The following HEXD variants were observed in gnomAD, a reference collection of about 807,000 sequenced individuals.
HEXD encodes N-acetyl-beta-galactosaminidase.
HEXD carries 47 observed loss-of-function variants against 54.2 expected under a neutral mutation model. The ratio of observed to expected loss-of-function variants is 0.87; its 90% CI spans 0.69 to 1.11. The LOEUF (loss-of-function observed/expected upper bound fraction) is 1.11. Among genes scored for constraint, HEXD ranks in the 50% least tolerant of loss-of-function variants. HEXD has a pLI of 0.00. For synonymous variants in HEXD, 293 were observed against 287.6 expected (o/e 1.02, Z -0.19); for missense variants, 576 against 649.2 (o/e 0.89, Z 1.23).
intron 4 of HEXD, among the ~76,000 whole-genome samples, chr17:82,433,366 C>A (rs1246397163): frequency 6.6e-6 from 1 of 151,708 alleles, no homozygotes; most frequent in African/African-American, 2.4e-5. Context: ...TCACTTGAAC[C>A]TGGGAGGCAG....
chr17:82,439,434 G>A (rs1476580810), intron 8 of HEXD, 197 bp from the exon 9 acceptor site: 8 of 985,274 alleles, frequency 8.1e-6, no homozygotes, highest in East Asian at 1.1e-4. Flanking sequence ...TTTCTAGAAC[G>A]GAGTTGACAT....
chr17:82,420,594 G>C (rs2053206688), intron 2 of HEXD, among the ~76,000 whole-genome samples: 1 of 152,202 alleles, frequency 6.6e-6, no homozygotes, highest in Non-Finnish European at 1.5e-5. Context: ...TTGAGACGGA[G>C]TCTCGCTCTG....
intron 4 of HEXD, among the ~76,000 whole-genome samples, chr17:82,432,780 A>G (rs1356426122): frequency 6.6e-6 from 1 of 151,800 alleles, no homozygotes; most frequent in African/African-American, 2.4e-5. Context: ...TAAAAAATTT[A>G]TGGCTGGGTG....
chr17:82,437,551 C>T (rs568784291), intron 8 of HEXD, among the ~76,000 whole-genome samples, 188 bp downstream of exon 8: 12 of 152,350 alleles, frequency 7.9e-5, no homozygotes, highest in South Asian at 2.1e-4. Context: ...CGCTGAGGGA[C>T]GCTGCTCCCG....
intron 6 of HEXD, 115 bp from the exon 7 acceptor site, chr17:82,436,551 CT>C (rs2053772839): frequency 1.3e-6 from 1 of 794,668 alleles, no homozygotes; most frequent in African/African-American, 1.7e-5. Flanking sequence ...GGTGCCAAGT[CT>C]GTCTTAAAAA....
At chr17:82,428,360 G>A (rs565562322) in intron 3 of HEXD, among the ~76,000 whole-genome samples, 198 bp from the exon 4 acceptor site, 1 of 152,284 alleles carries the variant, frequency 6.6e-6, no homozygotes, top group South Asian at 2.1e-4. Flanking sequence ...ACTTGAGGAC[G>A]TGCTAGAACA....
chr17:82,438,930 C>T (rs571656321), intron 8 of HEXD, among the ~76,000 whole-genome samples: 66 of 152,402 alleles, frequency 4.3e-4, no homozygotes, highest in Non-Finnish European at 4.1e-4. Context: ...AGCAGCGGCG[C>T]ATCCTTCAGG....
chr17:82,423,057 C>CAAAA (rs369017189), intron 2 of HEXD, among the ~76,000 whole-genome samples: 2 of 126,810 alleles, frequency 1.6e-5, no homozygotes, highest in Non-Finnish European at 1.7e-5. Flanking sequence ...AACTCCATCT[C>CAAAA]AAAAAAAAAA....
rs937932337 is a variant in HEXD, at chr17:82,434,677, A to C, written c.447+855A>C. Among the ~76,000 whole-genome samples, 2 of 151,956 alleles carry C rather than the reference A, an allele frequency of 1.3e-5. No individual in the cohort carries two copies. The highest frequency in any genetic ancestry group is 2.9e-5 in the Non-Finnish European group (2 of 67,994). On this transcript the variant is annotated intron_variant, in intron 5 of 12. Transcript: ENST00000327949. The surrounding 1 kb of genome is among the most constrained non-coding windows in gnomAD (Gnocchi z 4.5). ...ATGTGGTGAAACCCCGTCTCTACTA[A>C]ATATACAAAAATCAGCCGGGCGTGA...
intron 4 of HEXD, among the ~76,000 whole-genome samples, chr17:82,429,941 G>T (rs561807755): frequency 2.6e-5 from 4 of 152,030 alleles, no homozygotes; most frequent in Admixed American, 6.6e-5. Flanking sequence ...CCTGCTGGTC[G>T]CTTCCATTGA....
chr17:82,441,021 C>T lies in HEXD; in HGVS notation c.1007C>T (p.Ala336Val), dbSNP rs564210216. 24 of 1,613,554 alleles carry T rather than the reference C, an allele frequency of 1.5e-5. No individual in the cohort carries two copies. Among genetic ancestry groups the T allele is most frequent in the South Asian group, 9.9e-5 (9 of 91,076 alleles). ...LRGGFDEDVK[A>V]KVENLLGISS... ...GGAGGATTTGATGAAGATGTTAAAG[C>T]GAAAGTGGAGAACCTTCTCGGGATT... Residue 336 changes from alanine (A) to valine (V), a missense_variant, in exon 10 of 13, where the codon GCG (alanine) becomes GTG (valine). Transcript: ENST00000327949.
chr17:82,421,243 G>T (rs1365081952), intron 2 of HEXD, among the ~76,000 whole-genome samples: 2 of 152,000 alleles, frequency 1.3e-5, no homozygotes, highest in African/African-American at 4.8e-5. Flanking sequence ...CCAGGAGGGT[G>T]CAGGGGAGGC....
At chr17:82,427,402 G>A (rs2053448110) in intron 3 of HEXD, 1 of 152,214 alleles carries the variant, frequency 6.6e-6, no homozygotes, top group Non-Finnish European at 1.5e-5. Flanking sequence ...TATGACATCT[G>A]TTCTGGAAGG....
At position 82,435,771 on chromosome 17, in the gene HEXD, A is replaced by C. The variant is rs758377023; in HGVS notation, c.530A>C (p.His177Pro). 25 of 1,612,812 alleles carry C rather than the reference A, an allele frequency of 1.6e-5. No homozygotes were observed. The highest frequency in any genetic ancestry group is 2.0e-5 in the Non-Finnish European group (24 of 1,179,906). The change falls in exon 6 of 13, where the codon CAC (histidine) becomes CCC (proline). Residue 177 changes from histidine to proline, a missense_variant. His to Pro is a moderately conservative substitution (Grantham distance 77). Transcript: ENST00000327949. The part of the protein sequence containing the change: ...QNSTGKLCLS[H>P]MRAVASGVKA... ...AGCACGGGGAAGTTGTGCCTGTCAC[A>C]CATGCGGGCGGTGGCCAGCGGCGTG... is the stretch of plus-strand genomic sequence containing the variant.
chr17:82,437,177 T>C lies in HEXD; in HGVS notation c.713T>C (p.Met238Thr), dbSNP rs777358505. Reference sequence around the variant, plus strand: ...TTGCTTTCTCACCCAGTCCTCCTCATGCAGAAGTACCGGCGGTGCGGCTTT... The same window carrying C: ...TTGCTTTCTCACCCAGTCCTCCTCACGCAGAAGTACCGGCGGTGCGGCTTT... Reference protein sequence around the residue: ...DLDVHGKVLLMQKYRRCGFPQ... With the variant: ...DLDVHGKVLLTQKYRRCGFPQ... The change falls in exon 8 of 13, where the codon ATG (methionine) becomes ACG (threonine). Residue 238 changes from methionine to threonine, a missense_variant. Physicochemically the swap from Met to Thr is moderately conservative, Grantham distance 81. Coordinates refer to ENST00000327949, the MANE Select transcript of HEXD (RefSeq NM_001330542.2). 5.9e-5 allele frequency: 93 copies of C among 1,587,052 alleles called. No homozygotes were observed. The highest frequency in any genetic ancestry group is 1.1e-5 in the South Asian group (1 of 88,412).
At chr17:82,427,569 G>T (rs144792062) in intron 3 of HEXD, among the ~76,000 whole-genome samples, 4 of 152,114 alleles carry the variant, frequency 2.6e-5, no homozygotes, top group African/African-American at 7.2e-5. Flanking sequence ...GATCAAGTGC[G>T]ATGACATGAT....
chr17:82,424,462 C>T lies in HEXD; in HGVS notation c.153C>T (p.Tyr51=), dbSNP rs781369347. ...TTGAGTATGAAGACATGTTTCCCTA[C>T]GAGGGCCCTCTGAGGCTGCTGAGGG... ...LLIEYEDMFP[Y]EGPLRLLRAK... is the part of the protein sequence containing the mutation. Residue 51 remains tyrosine (Y), a synonymous_variant, in exon 3 of 13, where the codon TAC becomes TAT. Coordinates refer to ENST00000327949, the MANE Select transcript of HEXD (RefSeq NM_001330542.2). 2.2e-5 allele frequency: 36 copies of T among 1,613,878 alleles called. No homozygotes were observed. In the East Asian group the frequency reaches 4.9e-4, roughly 22 times the overall value.
At chr17:82,421,550 C>T (rs995347035) in intron 2 of HEXD, among the ~76,000 whole-genome samples, 1 of 152,156 alleles carries the variant, frequency 6.6e-6, no homozygotes, top group African/African-American at 2.4e-5. Flanking sequence ...AACAGGCTGG[C>T]CATGGTGGCT....
intron 9 of HEXD, chr17:82,440,136 G>A (rs755433618): frequency 3.9e-6 from 5 of 1,293,758 alleles, no homozygotes; most frequent in Non-Finnish European, 5.0e-6. Context: ...GGGAGCAGCG[G>A]GACCCATGGG....
Sources: allele counts gnomAD v4.1 joint callset (sites outside exome capture counted in the v4.1 genomes callset), GRCh38; gene constraint gnomAD v4.1.1; non-coding constraint Gnocchi (gnomAD v3.1); transcripts MANE v1.5; gene names NCBI Gene and HGNC (gene_info 2026-07-23, HGNC 2026-07-21).